The following ILDR1 variants were observed in gnomAD, a reference collection of about 807,000 sequenced individuals.
The protein encoded by ILDR1 is immunoglobulin like domain containing receptor 1, also known as immunoglobulin-like domain-containing receptor 1.
ILDR1 carries 56 observed loss-of-function variants against 62.4 expected under a neutral mutation model. The observed-to-expected ratio is 0.90, with a 90% CI of 0.72 to 1.12. The LOEUF is 1.12. Among genes scored for constraint, ILDR1 ranks in the 50% most tolerant of loss-of-function variants. ILDR1 has a pLI of 0.00. For missense variants in ILDR1, 736 were observed against 710.6 expected, an observed-to-expected ratio of 1.04 and a Z score of -0.41; for synonymous variants, 284 against 277.8, an observed-to-expected ratio of 1.02 and a Z score of -0.22.
chr3:122,032,946 G>A, the ILDR1 span, among the ~76,000 whole-genome samples: 1 of 152,230 alleles, frequency 6.6e-6, no homozygotes, highest in Non-Finnish European at 1.5e-5. Context: ...CCAAGCTGCT[G>A]TCAAATTCCT....
At chr3:122,010,355 G>A (rs1195949013) in intron 1 of ILDR1, among the ~76,000 whole-genome samples, 2 of 152,130 alleles carry the variant, frequency 1.3e-5, no homozygotes, top group Admixed American at 1.3e-4. Context: ...CAGTAATACA[G>A]TGAAAGTGGT....
At chr3:122,029,504 T>C in the ILDR1 span, among the ~76,000 whole-genome samples, 1 of 138,510 alleles carries the variant, frequency 7.2e-6, no homozygotes, top group Non-Finnish European at 1.5e-5. Context: ...ACACTCCGTC[T>C]AAAAAAAATA....
chr3:121,990,887 T>C (rs1315849863), intron 7 of ILDR1, among the ~76,000 whole-genome samples: 1 of 152,138 alleles, frequency 6.6e-6, no homozygotes, highest in Non-Finnish European at 1.5e-5. Flanking sequence ...GAGGCTCCCA[T>C]AGTTGTGAGG....
chr3:122,013,291 A>G (rs962682376), intron 1 of ILDR1, among the ~76,000 whole-genome samples: 2 of 152,178 alleles, frequency 1.3e-5, no homozygotes, highest in African/African-American at 4.8e-5. Context: ...ATATTTTAAA[A>G]TATTTTTAAA....
At chr3:122,030,355 G>C in the ILDR1 span, among the ~76,000 whole-genome samples, 2 of 151,926 alleles carry the variant, frequency 1.3e-5, no homozygotes, top group South Asian at 2.1e-4. Context: ...GGGAGAGAGA[G>C]AAAATTATTA....
intron 7 of ILDR1, among the ~76,000 whole-genome samples, chr3:121,991,852 C>T (rs541994359): frequency 6.6e-6 from 1 of 152,320 alleles, no homozygotes; most frequent in East Asian, 1.9e-4. Context: ...CACAGCAGAA[C>T]ATGTACTTCC....
chr3:122,007,103 G>A lies in ILDR1; in HGVS notation c.117C>T (p.Ala39=). The change falls in exon 2 of 8, where the codon GCC becomes GCT. Residue 39 remains alanine (A), a synonymous_variant. Coordinates refer to ENST00000344209, the MANE Select transcript of ILDR1 (RefSeq NM_001199799.2). ...QHTERYVTLF[A]SIILKCDYTT... is the part of the protein sequence containing the mutation. ...TGTAGTCACATTTGAGGATGATAGA[G>A]GCAAACAGGGTGACATAGCGTTCTG... The A allele has an allele frequency of 6.2e-7, 1 of 1,614,102 alleles. No individual in the cohort carries two copies. The highest frequency in any genetic ancestry group is 8.5e-7 in the Non-Finnish European group (1 of 1,180,008).
the ILDR1 span, among the ~76,000 whole-genome samples, chr3:122,061,329 CT>C: frequency 1.8e-4 from 28 of 152,098 alleles, no homozygotes; most frequent in East Asian, 4.6e-3. Context: ...ATTGCTGATA[CT>C]TTTTTTCAAG....
the ILDR1 span, among the ~76,000 whole-genome samples, chr3:122,029,431 A>C: frequency 4.6e-5 from 7 of 151,350 alleles, no homozygotes; most frequent in African/African-American, 1.5e-4. Flanking sequence ...CGCTTTAACC[A>C]AGGTAGCGGA....
the ILDR1 span, among the ~76,000 whole-genome samples, chr3:122,028,323 G>A: frequency 0.25 from 32,918 of 131,962 alleles, 4,275 homozygotes; most frequent in Admixed American, 0.39. Context: ...GCAACAGAGC[G>A]AGACTCCATC....
chr3:121,993,562 T>C lies in ILDR1; in HGVS notation c.1187A>G (p.Asp396Gly). 1 of 1,614,194 alleles carries C rather than the reference T, an allele frequency of 6.2e-7. No homozygotes were observed. The highest frequency in any genetic ancestry group is 1.7e-5 in the Admixed American group (1 of 60,022). The change falls in exon 7 of 8, where the codon GAC (aspartate) becomes GGC (glycine). Residue 396 changes from aspartate to glycine, a missense_variant. Coordinates refer to ENST00000344209, the MANE Select transcript of ILDR1 (RefSeq NM_001199799.2). Reference sequence around the variant, plus strand: ...ACGGTGCCTTCCACTCCACGATGGGTCCAACTCCCTTCTTTCCAATGCCCA... The same window carrying C: ...ACGGTGCCTTCCACTCCACGATGGGCCCAACTCCCTTCTTTCCAATGCCCA... ...KSWALERREL[D>G]PSWSGRHRSS...
At chr3:122,059,488 A>T in the ILDR1 span, among the ~76,000 whole-genome samples, 1 of 151,604 alleles carries the variant, frequency 6.6e-6, no homozygotes, top group Non-Finnish European at 1.5e-5. Flanking sequence ...GTGAGCTGAG[A>T]TAGCACCACG....
At chr3:122,032,508 A>G in the ILDR1 span, among the ~76,000 whole-genome samples, 1 of 152,290 alleles carries the variant, frequency 6.6e-6, no homozygotes, top group East Asian at 1.9e-4. Flanking sequence ...TTGTTTGGTC[A>G]TAGGATATGT....
At chr3:122,032,066 C>G in the ILDR1 span, among the ~76,000 whole-genome samples, 1 of 152,218 alleles carries the variant, frequency 6.6e-6, no homozygotes, top group Non-Finnish European at 1.5e-5. Flanking sequence ...GCAACCACCA[C>G]TCAGGACAAA....
the ILDR1 span, among the ~76,000 whole-genome samples, chr3:122,060,623 T>TA: frequency 1.3e-5 from 2 of 151,884 alleles, no homozygotes; most frequent in South Asian, 2.1e-4. Flanking sequence ...CTCCCATTCC[T>TA]AAAAAAATTT....
chr3:122,047,528 G>A, the ILDR1 span, among the ~76,000 whole-genome samples: 3 of 152,216 alleles, frequency 2.0e-5, no homozygotes, highest in African/African-American at 4.8e-5. Flanking sequence ...CTGCCGCCTT[G>A]CATTTGATCT....
chr3:122,041,894 C>A, the ILDR1 span, among the ~76,000 whole-genome samples: 1 of 148,274 alleles, frequency 6.7e-6, no homozygotes, highest in African/African-American at 2.5e-5. Context: ...AATTTGAATG[C>A]CCTTTATTTC....
At chr3:122,049,756 A>T in the ILDR1 span, among the ~76,000 whole-genome samples, 1 of 152,184 alleles carries the variant, frequency 6.6e-6, no homozygotes, top group Non-Finnish European at 1.5e-5. Context: ...TTGGGACGTG[A>T]TTAAATAATG....
rs190975532 is a variant in ILDR1 at position 122,009,602 on chromosome 3, C to T, written c.59-2441G>A. ...GTATGTGAGTCTCTTCCTTTTTTTC[C>T]CCTTATTACGAGGGCCAAGGAGAAA... On this transcript the variant is annotated intron_variant, in intron 1 of 7. Coordinates refer to ENST00000344209, the MANE Select transcript of ILDR1 (RefSeq NM_001199799.2). Among the ~76,000 whole-genome samples, 16 of 152,118 alleles carry T rather than the reference C, an allele frequency of 1.1e-4. No homozygotes were observed. The East Asian group carries it at 2.5e-3, about 24-fold the overall frequency.
Sources: gnomAD v4.1 joint callset for allele counts (sites outside exome capture counted in the v4.1 genomes callset) on GRCh38, gnomAD v4.1.1 for gene constraint, MANE v1.5 for transcripts, NCBI Gene and HGNC (gene_info 2026-07-23, HGNC 2026-07-21) for gene names.